The following ACTL8 variants were observed in gnomAD, a reference collection of about 807,000 sequenced individuals.
The protein encoded by ACTL8 is actin-like protein 8.
Under a neutral mutation model 9.3 loss-of-function variants are expected in ACTL8, and 3 were observed. The ratio of observed to expected loss-of-function variants is 0.32; its 90% CI spans 0.15 to 0.83. ACTL8 has a LOEUF of 0.83. Among genes scored for constraint, ACTL8 ranks in the 40% least tolerant of loss-of-function variants. The probability of loss-of-function intolerance (pLI) is 0.57; values close to 1 mark genes in which losing one functional copy is unlikely to be tolerated. For missense variants in ACTL8, 381 were observed against 492.2 expected (o/e 0.77, Z 2.14); for synonymous variants, 224 against 205.9 (o/e 1.09, Z -0.75).
chr1:17,798,366 G>A (rs1019174641), intron 1 of ACTL8, among the ~76,000 whole-genome samples: 2 of 152,160 alleles, frequency 1.3e-5, no homozygotes, highest in African/African-American at 2.4e-5. Flanking sequence ...GGGGCCAGGA[G>A]GGCAGAAGAC....
chr1:17,785,559 G>C (rs2066191315), intron 1 of ACTL8, among the ~76,000 whole-genome samples: 1 of 152,188 alleles, frequency 6.6e-6, no homozygotes, highest in South Asian at 2.1e-4. Flanking sequence ...CTGCCTTGCT[G>C]GTCCTTCAGG....
intron 1 of ACTL8, among the ~76,000 whole-genome samples, chr1:17,790,960 A>T (rs551715140): frequency 6.6e-6 from 1 of 152,044 alleles, no homozygotes; most frequent in Non-Finnish European, 1.5e-5. Flanking sequence ...TTGCTCTGAG[A>T]TTGGAGCAGA....
At chr1:17,791,318 T>TCGCTG in intron 1 of ACTL8, among the ~76,000 whole-genome samples, 1 of 152,252 alleles carries the variant, frequency 6.6e-6, no homozygotes, top group African/African-American at 2.4e-5. Context: ...TTCAGATGGC[T>TCGCTG]CGCTGCTGCC....
chr1:17,787,248 C>A (rs1382248111), intron 1 of ACTL8, among the ~76,000 whole-genome samples: 1 of 152,084 alleles, frequency 6.6e-6, no homozygotes, highest in Non-Finnish European at 1.5e-5. Context: ...AATCCTCCCA[C>A]CTCAATAGCT....
chr1:17,774,678 C>A (rs2066107015), intron 1 of ACTL8, among the ~76,000 whole-genome samples: 1 of 152,052 alleles, frequency 6.6e-6, no homozygotes, highest in Admixed American at 6.5e-5. Flanking sequence ...GCCAGGGAGG[C>A]TGGAGTGCAG....
At chr1:17,765,316 T>C (rs556049835) in intron 1 of ACTL8, among the ~76,000 whole-genome samples, 10 of 152,320 alleles carry the variant, frequency 6.6e-5, no homozygotes, top group African/African-American at 2.4e-4. Flanking sequence ...TAGTTCACTG[T>C]GGTGTCCTGG....
At position 17,779,787 on chromosome 1, in the gene ACTL8, C is replaced by T. The variant is rs145123624; in HGVS notation, c.-25+24283C>T. On this transcript the variant is annotated intron_variant, in intron 1 of 2. Coordinates refer to ENST00000375406, the MANE Select transcript of ACTL8 (RefSeq NM_030812.3). ...TAGCATGGAGGTGATCACTTCTGCT[C>T]ATAACTTTATAGGCTAAAATGTCTC... Among the ~76,000 whole-genome samples, 434 of 152,338 alleles carry T rather than the reference C, an allele frequency of 2.8e-3. 1 individual carries two copies. The highest frequency in any genetic ancestry group is 3.4e-3 in the Middle Eastern group (1 of 294).
chr1:17,786,815 C>T (rs956328686), intron 1 of ACTL8, among the ~76,000 whole-genome samples: 1 of 152,162 alleles, frequency 6.6e-6, no homozygotes, highest in Non-Finnish European at 1.5e-5. Flanking sequence ...CTGCCTCAGA[C>T]TCCCAAGTAA....
At chr1:17,770,721 T>C (rs1248675429) in intron 1 of ACTL8, among the ~76,000 whole-genome samples, 1 of 152,156 alleles carries the variant, frequency 6.6e-6, no homozygotes. Flanking sequence ...GAAGAGGATC[T>C]AGAGGTCATA....
chr1:17,770,288 C>G (rs2066074409), intron 1 of ACTL8, among the ~76,000 whole-genome samples: 1 of 152,186 alleles, frequency 6.6e-6, no homozygotes, highest in Non-Finnish European at 1.5e-5. Context: ...CTCGTAGATT[C>G]AGAGAGAAGG....
rs945809757 is a variant in ACTL8 at position 17,767,793 on chromosome 1, G to A, written c.-25+12289G>A. ...TCACACGAGACAATGTCCCTGCTTGGCTTCTCGGCTCAGTCTGATGCCGTG... is the reference window on the plus strand; with the variant it reads ...TCACACGAGACAATGTCCCTGCTTGACTTCTCGGCTCAGTCTGATGCCGTG... On this transcript the variant is annotated intron_variant, in intron 1 of 2. Coordinates refer to ENST00000375406, the MANE Select transcript of ACTL8 (RefSeq NM_030812.3). The surrounding 1 kb of genome is among the most constrained non-coding windows in gnomAD (Gnocchi z 4.7). Among the ~76,000 whole-genome samples, 12 of 152,130 alleles carry A rather than the reference G, an allele frequency of 7.9e-5. No homozygotes were observed. The highest frequency in any genetic ancestry group is 2.7e-4 in the African/African-American group (11 of 41,420).
intron 1 of ACTL8, among the ~76,000 whole-genome samples, chr1:17,815,274 T>A (rs1405570385): frequency 2.0e-5 from 3 of 152,244 alleles, no homozygotes; most frequent in Non-Finnish European, 4.4e-5. Flanking sequence ...TCTTCATTCC[T>A]GAGTGCTAGA....
chr1:17,765,879 C>T (rs535436673), intron 1 of ACTL8, among the ~76,000 whole-genome samples: 15 of 152,282 alleles, frequency 9.9e-5, no homozygotes, highest in South Asian at 8.3e-4. Flanking sequence ...CGCCATTTCC[C>T]GGGTCCTAGG....
intron 1 of ACTL8, among the ~76,000 whole-genome samples, chr1:17,787,562 C>T (rs1289672648): frequency 3.3e-5 from 5 of 152,212 alleles, no homozygotes; most frequent in South Asian, 2.1e-4. Flanking sequence ...AGCCACACCG[C>T]GCCAGGCCTC....
chr1:17,767,669 T>A lies in ACTL8; in HGVS notation c.-25+12165T>A, dbSNP rs1315014895. Among the ~76,000 whole-genome samples the A allele has an allele frequency of 1.3e-5, 2 of 152,194 alleles. No individual in the cohort carries two copies. Among genetic ancestry groups the A allele is most frequent in the Non-Finnish European group, 2.9e-5 (2 of 68,042 alleles). ...AGATCAGTGCTCACCATGTTTATCCTCCATAGGTGCTTTATTATTATTTTT... is the reference window on the plus strand; with the variant it reads ...AGATCAGTGCTCACCATGTTTATCCACCATAGGTGCTTTATTATTATTTTT... On this transcript the variant is annotated intron_variant, in intron 1 of 2. Transcript: ENST00000375406. This position sits in a 1 kb window ranked among gnomAD's most constrained non-coding sequence, Gnocchi z 4.7.
chr1:17,798,407 G>A (rs768454053), intron 1 of ACTL8, among the ~76,000 whole-genome samples: 7 of 152,122 alleles, frequency 4.6e-5, no homozygotes, highest in Non-Finnish European at 8.8e-5. Context: ...GACCCAGACG[G>A]GAGTAAGAGT....
In ACTL8 at chr1:17,780,815, C is replaced by T. The variant is rs1015714554; in HGVS notation, c.-25+25311C>T. On this transcript the variant is annotated intron_variant, in intron 1 of 2. Coordinates refer to ENST00000375406, the MANE Select transcript of ACTL8 (RefSeq NM_030812.3). Reference sequence around the variant, plus strand: ...AGGCTGAAGGGCCTTGAGATAGTTCCGGGTAGTGGCCAGGGAGCCCTGGCC... The same window carrying T: ...AGGCTGAAGGGCCTTGAGATAGTTCTGGGTAGTGGCCAGGGAGCCCTGGCC... 2.6e-5 allele frequency among the ~76,000 whole-genome samples: 4 copies of T among 151,962 alleles called. No homozygotes were observed. In the East Asian group the frequency reaches 7.7e-4, roughly 29 times the overall value.
At chr1:17,777,134 C>T (rs558024615) in intron 1 of ACTL8, among the ~76,000 whole-genome samples, 94 of 151,956 alleles carry the variant, frequency 6.2e-4, no homozygotes, top group Middle Eastern at 3.4e-3. Context: ...TGGCTATTTC[C>T]TTTTTCTAAG....
chr1:17,784,497 A>G (rs2066181875), intron 1 of ACTL8, among the ~76,000 whole-genome samples: 2 of 152,208 alleles, frequency 1.3e-5, no homozygotes, highest in Admixed American at 6.5e-5. Flanking sequence ...AACAAGTACC[A>G]TATGTTTGGA....
Sources: gnomAD v4.1 joint callset for allele counts (sites outside exome capture counted in the v4.1 genomes callset) on GRCh38, gnomAD v4.1.1 for gene constraint, Gnocchi (gnomAD v3.1) non-coding constraint, MANE v1.5 for transcripts, NCBI Gene and HGNC (gene_info 2026-07-23, HGNC 2026-07-21) for gene names.